ABCG2: variants seen among roughly 807,000 people sequenced by gnomAD.
The protein encoded by ABCG2 is ATP binding cassette subfamily G member 2 (JR blood group).
A neutral mutation model predicts 73.5 loss-of-function variants in ABCG2; 80 were observed. That is an observed-to-expected ratio of 1.09 (90% CI 0.91 to 1.31). ABCG2 has a LOEUF of 1.31. Ranked by LOEUF, ABCG2 falls within the 50% of genes most tolerant of loss-of-function variation. The pLI, the probability that ABCG2 is intolerant of heterozygous loss-of-function variation, is 0.00. For missense variants in ABCG2, 796 were observed against 786.2 expected, an observed-to-expected ratio of 1.01 and a Z score of -0.15; for synonymous variants, 269 against 282.4, an observed-to-expected ratio of 0.95 and a Z score of 0.48.
chr4:88,170,991 T>G (rs1307403272), intron 1 of ABCG2, among the ~76,000 whole-genome samples: 1 of 152,164 alleles, frequency 6.6e-6, no homozygotes, highest in African/African-American at 2.4e-5. Context: ...AGCCGGAGAC[T>G]ATTATCCTTA....
chr4:88,130,545 CT>C (rs578034270), intron 5 of ABCG2, among the ~76,000 whole-genome samples: 28 of 152,222 alleles, frequency 1.8e-4, no homozygotes, highest in African/African-American at 5.5e-4. Context: ...ACCATCCCCC[CT>C]ACCCTGGTCC....
At chr4:88,139,716 C>T in intron 2 of ABCG2, 77 bp downstream of exon 2, 1 of 1,306,314 alleles carries the variant, frequency 7.7e-7, no homozygotes, top group South Asian at 1.4e-5. Flanking sequence ...TAGCCAGTTT[C>T]TTGGAAATAG....
At chr4:88,230,462 C>T (rs974849325) in intron 1 of ABCG2, among the ~76,000 whole-genome samples, 1 of 151,644 alleles carries the variant, frequency 6.6e-6, no homozygotes, top group African/African-American at 2.4e-5. Context: ...GCAGTTAATA[C>T]AAAAATTACA....
chr4:88,131,249 T>A (rs111741750), intron 4 of ABCG2, 36 bp from the exon 5 acceptor site: 2 of 1,601,382 alleles, frequency 1.2e-6, no homozygotes, highest in African/African-American at 2.7e-5. Context: ...GACATAATGA[T>A]AATGAGTCTT....
In ABCG2 at chr4:88,097,494, C is replaced by CA. The variant is rs1560650625; in HGVS notation, c.1605dup (p.Val536CysfsTer49). 1 of 1,614,174 alleles carries CA rather than the reference C, an allele frequency of 6.2e-7. No individual in the cohort carries two copies. The highest frequency in any genetic ancestry group is 1.7e-5 in the Admixed American group (1 of 60,030). ...CAGATGGTCATGAGAAGTGTTGCTA[C>CA]AGAAACCACACTCTGACCTGCTGCT... On this transcript the variant is annotated frameshift_variant, in exon 13 of 16. Transcript: ENST00000237612. LOFTEE classifies it high-confidence loss of function.
At chr4:88,189,272 A>G (rs975681178) in intron 1 of ABCG2, among the ~76,000 whole-genome samples, 1 of 152,086 alleles carries the variant, frequency 6.6e-6, no homozygotes, top group African/African-American at 2.4e-5. Context: ...GCCAGGTGCA[A>G]TGACTCATGC....
intron 1 of ABCG2, among the ~76,000 whole-genome samples, chr4:88,152,827 T>C (rs2725241): frequency 0.59 from 90,196 of 151,622 alleles, 27,298 homozygotes; most frequent in East Asian, 0.74. Flanking sequence ...AGAGAATGGG[T>C]GATGTTTCTC....
At chr4:88,147,587 T>C (rs1455696069) in intron 1 of ABCG2, among the ~76,000 whole-genome samples, 2 of 152,202 alleles carry the variant, frequency 1.3e-5, no homozygotes, top group South Asian at 2.1e-4. Context: ...ACTATTTTTG[T>C]TTCCTGCAGA....
intron 1 of ABCG2, among the ~76,000 whole-genome samples, chr4:88,228,542 T>C (rs1195709097): frequency 1.3e-5 from 2 of 152,226 alleles, no homozygotes; most frequent in African/African-American, 4.8e-5. Flanking sequence ...ACAAGGGTTA[T>C]GGTTTTTCAT....
chr4:88,095,685 G>C, intron 13 of ABCG2, 76 bp from the exon 14 acceptor site: 1 of 1,139,046 alleles, frequency 8.8e-7, no homozygotes, highest in Non-Finnish European at 1.3e-6. Flanking sequence ...CCCTCTTCAA[G>C]TCCCTACCAC....
At chr4:88,164,771 T>G (rs1014555869) in intron 1 of ABCG2, among the ~76,000 whole-genome samples, 2 of 152,076 alleles carry the variant, frequency 1.3e-5, no homozygotes, top group African/African-American at 2.4e-5. Flanking sequence ...AAATGGATTT[T>G]TTGTTGTTGT....
At chr4:88,138,289 C>T (rs1459554605) in intron 2 of ABCG2, among the ~76,000 whole-genome samples, 4 of 152,060 alleles carry the variant, frequency 2.6e-5, no homozygotes, top group African/African-American at 9.7e-5. Flanking sequence ...AGATCTTCAG[C>T]GTTGGTGAGG....
chr4:88,175,489 G>A (rs7658584), intron 1 of ABCG2, among the ~76,000 whole-genome samples: 36,148 of 152,112 alleles, frequency 0.24, 5,686 homozygotes, highest in African/African-American at 0.45. Flanking sequence ...TTCACCTCAA[G>A]GTCCAGTATG....
chr4:88,179,695 T>C (rs1728154792), intron 1 of ABCG2, among the ~76,000 whole-genome samples: 1 of 152,200 alleles, frequency 6.6e-6, no homozygotes, highest in African/African-American at 2.4e-5. Flanking sequence ...ATCCTATTTA[T>C]GGGAATCAGA....
At chr4:88,160,706 G>A (rs1382666963), upstream of ABCG2, among the ~76,000 whole-genome samples, 2 of 151,496 alleles carry the variant, frequency 1.3e-5, no homozygotes, top group Non-Finnish European at 2.9e-5. Flanking sequence ...AAAATTAGCC[G>A]GGCATGGTGG....
chr4:88,129,837 G>A (rs1385309304), intron 5 of ABCG2, among the ~76,000 whole-genome samples: 3 of 152,112 alleles, frequency 2.0e-5, no homozygotes, highest in East Asian at 1.9e-4. Flanking sequence ...TTAATCAATT[G>A]TAAAGTTCAT....
At chr4:88,153,064 C>T (rs556601041) in intron 1 of ABCG2, among the ~76,000 whole-genome samples, 11 of 152,058 alleles carry the variant, frequency 7.2e-5, no homozygotes, top group Admixed American at 2.0e-4. Flanking sequence ...TTGGGAGGAC[C>T]CAGGACATCC....
At chr4:88,133,409 T>C (rs1275833029) in intron 2 of ABCG2, among the ~76,000 whole-genome samples, 5 of 152,240 alleles carry the variant, frequency 3.3e-5, no homozygotes, top group Middle Eastern at 6.8e-3. Context: ...AGATATATCC[T>C]CAAGATATAT....
chr4:88,102,368 C>T (rs905578726), intron 10 of ABCG2, among the ~76,000 whole-genome samples: 10 of 152,130 alleles, frequency 6.6e-5, no homozygotes, highest in African/African-American at 9.6e-5. Context: ...GAGGCCGGGT[C>T]GGGAGGATCA....
Sources: gnomAD v4.1 joint callset for allele counts (sites outside exome capture counted in the v4.1 genomes callset) on GRCh38, gnomAD v4.1.1 for gene constraint, MANE v1.5 for transcripts, NCBI Gene and HGNC (gene_info 2026-07-23, HGNC 2026-07-21) for gene names.